YIF1B: variants seen among roughly 807,000 people sequenced by gnomAD.
YIF1B encodes protein YIF1B.
Under a neutral mutation model 34.6 loss-of-function variants are expected in YIF1B, and 24 were observed. The observed-to-expected ratio is 0.69, with a 90% CI of 0.50 to 0.98. The LOEUF is 0.98. Among genes scored for constraint, YIF1B ranks in the 50% least tolerant of loss-of-function variants. The pLI is 0.00. For synonymous variants in YIF1B, 186 were observed against 184.8 expected (o/e 1.01, Z -0.05); for missense variants, 368 against 429.4 (o/e 0.86, Z 1.26).
intron 1 of YIF1B, chr19:38,315,524 A>T (rs1969510551): frequency 7.1e-7 from 1 of 1,408,068 alleles, no homozygotes; most frequent in African/African-American, 1.5e-5. Context: ...GGGGCCACGA[A>T]GCTGTCCTAA....
At chr19:38,307,199 G>A (rs1212455606) in intron 7 of YIF1B, 1 of 572,228 alleles carries the variant, frequency 1.7e-6, no homozygotes, top group East Asian at 3.2e-5. Context: ...CTGTGTGCTG[G>A]GGATCCCCAG....
chr19:38,303,824 C>G lies in YIF1B; in HGVS notation c.*1528G>C, dbSNP rs1184269407. 6.6e-6 allele frequency among the ~76,000 whole-genome samples: 1 copy of G among 152,232 alleles called. No homozygotes were observed. Among genetic ancestry groups the G allele is most frequent in the African/African-American group, 2.4e-5 (1 of 41,462 alleles). On this transcript the variant is annotated 3_prime_UTR_variant, in exon 8 of 8. Coordinates refer to ENST00000339413, the MANE Select transcript of YIF1B (RefSeq NM_001039672.3). ...CACCCCTCAGACGCTGCTCACCAAG[C>G]CGGAGGGGCTGTGGGAGCGAGTTAG...
At position 38,315,893 on chromosome 19, in the gene YIF1B, C is replaced by G. The variant is rs975546037; in HGVS notation, c.25G>C (p.Ala9Pro). 1 of 1,484,848 alleles carries G rather than the reference C, an allele frequency of 6.7e-7. No homozygotes were observed. The highest frequency in any genetic ancestry group is 8.9e-7 in the Non-Finnish European group (1 of 1,126,344). The allele number at this position is 1,484,848 out of a possible 1,614,324, so 92.0% of individuals were successfully genotyped here. The change falls in exon 1 of 8, where the codon GCG becomes CCG. Residue 9 changes from alanine (A) to proline (P), a missense_variant. By Grantham distance (27) the Ala-to-Pro change is conservative. This residue lies in a region of YIF1B where 153 missense variants were observed against 156.7 expected (regional missense o/e 0.98). Coordinates refer to ENST00000339413, the MANE Select transcript of YIF1B (RefSeq NM_001039672.3). The stretch of plus-strand genomic sequence containing the variant: ...CGCAGCCGGGGCGTCCCCGCAGCCG[C>G]CGCCGCCAAGCCTGCCGGGTGCATC... MHPAGLAAAAAGTPRLRKW... is the reference protein window; with the variant it reads MHPAGLAAPAAGTPRLRKW...
chr19:38,305,288 T>G lies in YIF1B; in HGVS notation c.*64A>C, dbSNP rs932859944. On this transcript the variant is annotated 3_prime_UTR_variant, in exon 8 of 8. Coordinates refer to ENST00000339413, the MANE Select transcript of YIF1B (RefSeq NM_001039672.3). The stretch of plus-strand genomic sequence containing the variant: ...GACCTTGGGGCCTGCAGGCAGGAGA[T>G]GAGTTCGGCGGCCACAGTGGCCCCC... 6.4e-6 allele frequency: 10 copies of G among 1,558,430 alleles called. No individual in the cohort carries two copies. The highest frequency in any genetic ancestry group is 3.5e-5 in the South Asian group (3 of 84,784).
At chr19:38,318,638 C>A (rs930497892), upstream of YIF1B, among the ~76,000 whole-genome samples, 7 of 152,164 alleles carry the variant, frequency 4.6e-5, no homozygotes, top group African/African-American at 1.7e-4. Context: ...ATCACTGGCA[C>A]CTATTGTGTT....
At chr19:38,314,121 G>A (rs886925215) in intron 1 of YIF1B, among the ~76,000 whole-genome samples, 1 of 151,876 alleles carries the variant, frequency 6.6e-6, no homozygotes, top group East Asian at 1.9e-4. Flanking sequence ...CGCATCCTGG[G>A]TTCAAGCGAT....
At chr19:38,314,169 G>A (rs1436170749) in intron 1 of YIF1B, among the ~76,000 whole-genome samples, 2 of 151,296 alleles carry the variant, frequency 1.3e-5, no homozygotes, top group Non-Finnish European at 2.9e-5. Context: ...GGAATTACAG[G>A]TGCGCGCCAC....
At chr19:38,314,351 C>G (rs1002103477) in intron 1 of YIF1B, among the ~76,000 whole-genome samples, 2 of 151,640 alleles carry the variant, frequency 1.3e-5, no homozygotes, top group Non-Finnish European at 2.9e-5. Context: ...CACACCACCA[C>G]GCCCAGCTAA....
upstream of YIF1B, chr19:38,320,158 G>A (rs1297258499): frequency 6.3e-7 from 1 of 1,597,034 alleles, no homozygotes; most frequent in South Asian, 1.1e-5. Context: ...GCTGGCGGCC[G>A]GACGGCTGGG....
chr19:38,309,079 C>T, intron 3 of YIF1B, 22 bp from the exon 4 acceptor site: 1 of 1,553,296 alleles, frequency 6.4e-7, no homozygotes, highest in African/African-American at 1.4e-5. Flanking sequence ...GGGAGACGGG[C>T]AGGACCCTCA....
chr19:38,316,943 G>A (rs961951761), upstream of YIF1B, among the ~76,000 whole-genome samples: 6 of 152,170 alleles, frequency 3.9e-5, no homozygotes, highest in Non-Finnish European at 8.8e-5. Flanking sequence ...TTACAGACAT[G>A]AGCCACAGTG....
rs1450470704 is a variant in YIF1B at position 38,309,600 on chromosome 19, G to C, written c.102C>G (p.Asp34Glu). The C allele has an allele frequency of 6.3e-7, 1 of 1,599,210 alleles. No individual in the cohort carries two copies. Among genetic ancestry groups the C allele is most frequent in the East Asian group, 2.3e-5 (1 of 44,400 alleles). Residue 34 changes from aspartate (D) to glutamate (E), a missense_variant, in exon 2 of 8, where the codon GAC (aspartate) becomes GAG (glutamate). Coordinates refer to ENST00000339413, the MANE Select transcript of YIF1B (RefSeq NM_001039672.3). ...RIPVSQPGMA[D>E]PHQLFDDTSS... ...TTGTGTCATCGAAAAGCTGGTGGGG[G>C]TCGGCCATGCCCGGCTGGGACACAG...
chr19:38,308,253 G>A (rs545379527), intron 5 of YIF1B, among the ~76,000 whole-genome samples: 5 of 152,132 alleles, frequency 3.3e-5, no homozygotes, highest in Admixed American at 1.3e-4. Flanking sequence ...GCAGGTACTC[G>A]GCAGTAGTGG....
At chr19:38,306,170 C>G (rs1043749681) in intron 7 of YIF1B, among the ~76,000 whole-genome samples, 6 of 145,746 alleles carry the variant, frequency 4.1e-5, no homozygotes, top group Non-Finnish European at 8.9e-5. Context: ...CGCCACTGCA[C>G]TCCAGCTTCC....
upstream of YIF1B, among the ~76,000 whole-genome samples, chr19:38,317,587 G>T (rs552167746): frequency 3.3e-5 from 5 of 149,830 alleles, no homozygotes; most frequent in Non-Finnish European, 5.9e-5. Context: ...TTGCTTTTTT[G>T]TTTGTTTTTT....
At chr19:38,321,229 C>T (rs925878079), upstream of YIF1B, among the ~76,000 whole-genome samples, 3 of 152,212 alleles carry the variant, frequency 2.0e-5, no homozygotes, top group African/African-American at 7.2e-5. Flanking sequence ...GACCTGGCAC[C>T]GCCATCTGGG....
chr19:38,305,098 A>G lies in YIF1B; in HGVS notation c.*254T>C. ...GCCCGCCCATTCGTGCGCGAGGCCA[A>G]GGAGAGGCTGTCCACGCCATGCCCA... On this transcript the variant is annotated 3_prime_UTR_variant, in exon 8 of 8. Transcript: ENST00000339413. The G allele has an allele frequency of 6.8e-7, 1 of 1,480,180 alleles. No individual in the cohort carries two copies. The highest frequency in any genetic ancestry group is 1.3e-5 in the South Asian group (1 of 74,298). 91.7% of individuals were successfully genotyped at this position (1,480,180 alleles called of 1,614,324 possible). A position where few individuals can be genotyped will look rare whatever the true frequency, so the allele number is the denominator to read the frequency against.
intron 5 of YIF1B, among the ~76,000 whole-genome samples, 180 bp downstream of exon 5, chr19:38,308,612 A>G (rs1434030587): frequency 6.6e-6 from 1 of 152,062 alleles, no homozygotes; most frequent in Non-Finnish European, 1.5e-5. Context: ...GTGGGTAGGA[A>G]GGACAGGGAA....
At chr19:38,307,945 G>C (rs1969134975) in intron 5 of YIF1B, among the ~76,000 whole-genome samples, 193 bp from the exon 6 acceptor site, 1 of 152,196 alleles carries the variant, frequency 6.6e-6, no homozygotes, top group African/African-American at 2.4e-5. Flanking sequence ...GTGACACCCA[G>C]AGCAGGCAGG....
Sources: gnomAD v4.1 joint callset for allele counts (sites outside exome capture counted in the v4.1 genomes callset) on GRCh38, gnomAD v4.1.1 for gene constraint, gnomAD v4.1.1 regional missense constraint, MANE v1.5 for transcripts, NCBI Gene and HGNC (gene_info 2026-07-23, HGNC 2026-07-21) for gene names.